Variants in CSMD1 observed in about 807,000 individuals in gnomAD.
CSMD1 encodes CUB and sushi domain-containing protein 1.
CSMD1 carries 213 observed loss-of-function variants against 417.5 expected under a neutral mutation model. The ratio of observed to expected loss-of-function variants is 0.51; its 90% CI spans 0.46 to 0.57. CSMD1 has a LOEUF of 0.57. Ranked by LOEUF, CSMD1 falls within the 20% of genes least tolerant of loss-of-function variation. The probability of loss-of-function intolerance (pLI) is 0.00; values close to 1 mark genes in which losing one functional copy is unlikely to be tolerated. For missense variants in CSMD1, 6,923 were observed against 4,529.7 expected (o/e 1.53, Z -15.17); for synonymous variants, 2,862 against 1,736.8 (o/e 1.65, Z -16.11).
rs138742437 is a variant in CSMD1 at position 3,419,671 on chromosome 8, G to C, written c.1562-10066C>G. 6.0e-3 allele frequency among the ~76,000 whole-genome samples: 916 copies of C among 152,142 alleles called. 5 individuals carry two copies. The highest frequency in any genetic ancestry group is 0.02 in the African/African-American group (841 of 41,504). On this transcript the variant is annotated intron_variant, in intron 12 of 69. Coordinates refer to ENST00000635120, the MANE Select transcript of CSMD1 (RefSeq NM_033225.6). ...AAATAAATAGGAAAAAAAAAGTGGA[G>C]AAATAATTCAGATTACTTTCGTCAC...
chr8:4,529,672 T>C (rs1297491507), intron 2 of CSMD1, among the ~76,000 whole-genome samples: 1 of 151,928 alleles, frequency 6.6e-6, no homozygotes, highest in Non-Finnish European at 1.5e-5. Context: ...AACAGCAAAT[T>C]AGTTTTTAGT....
intron 25 of CSMD1, among the ~76,000 whole-genome samples, chr8:3,298,812 T>C (rs374880125): frequency 6.6e-6 from 1 of 152,180 alleles, no homozygotes; most frequent in African/African-American, 2.4e-5. Context: ...TAATAGTGAT[T>C]GTCCTGGAGA....
At chr8:3,743,471 A>G (rs1205732572) in intron 6 of CSMD1, among the ~76,000 whole-genome samples, 1 of 152,238 alleles carries the variant, frequency 6.6e-6, no homozygotes, top group Non-Finnish European at 1.5e-5. Context: ...AGTAATTGAT[A>G]TTGACTTAGA....
rs189921979 is a variant in CSMD1 at position 3,634,296 on chromosome 8, C to A, written c.1010-17499G>T. 2.5e-3 allele frequency among the ~76,000 whole-genome samples: 385 copies of A among 152,322 alleles called. 2 individuals are homozygous for A. Among genetic ancestry groups the A allele is most frequent in the African/African-American group, 8.6e-3 (359 of 41,572 alleles). On this transcript the variant is annotated intron_variant, in intron 7 of 69. Transcript: ENST00000635120. ...GTATTGGAGCACCCCTCTGGTAGGA[C>A]TGAAGACTAAGGTCAGCAATGTGGG...
chr8:3,399,427 G>C lies in CSMD1; in HGVS notation c.2369C>G (p.Ala790Gly), dbSNP rs1811904097. Reference sequence around the variant, plus strand: ...TATTTTGATAGAGTGGCCTGGTTTTGCTTCAATTATCCATTCACAATGTAA... The same window carrying C: ...TATTTTGATAGAGTGGCCTGGTTTTCCTTCAATTATCCATTCACAATGTAA... Reference protein sequence around the residue: ...DSLHCEWIIEAKPGHSIKITF... With the variant: ...DSLHCEWIIEGKPGHSIKITF... The change falls in exon 16 of 70, where the codon GCA (alanine) becomes GGA (glycine). Residue 790 changes from alanine to glycine, a missense_variant. Ala to Gly is a moderately conservative substitution (Grantham distance 60, BLOSUM62 0). Transcript: ENST00000635120. 12 of 1,606,640 alleles carry C rather than the reference G, an allele frequency of 7.5e-6. No homozygotes were observed. Among genetic ancestry groups the C allele is most frequent in the Non-Finnish European group, 8.5e-6 (10 of 1,177,002 alleles).
chr8:4,598,197 T>C (rs1470021087), intron 2 of CSMD1, among the ~76,000 whole-genome samples: 1 of 152,132 alleles, frequency 6.6e-6, no homozygotes, highest in Non-Finnish European at 1.5e-5. Flanking sequence ...ATTATCATAG[T>C]TGTAGGGATG....
At chr8:3,479,511 C>A (rs1270039806) in intron 11 of CSMD1, among the ~76,000 whole-genome samples, 1 of 152,152 alleles carries the variant, frequency 6.6e-6, no homozygotes, top group Non-Finnish European at 1.5e-5. Flanking sequence ...AACTCCCGAC[C>A]TTAGGTGATC....
chr8:3,301,960 T>A (rs946923195), intron 25 of CSMD1, among the ~76,000 whole-genome samples: 12 of 152,140 alleles, frequency 7.9e-5, no homozygotes, highest in African/African-American at 2.7e-4. Flanking sequence ...GTGTCTCGTC[T>A]AAAGAAATCT....
At chr8:4,250,045 A>G (rs1303584051) in intron 3 of CSMD1, among the ~76,000 whole-genome samples, 4 of 152,124 alleles carry the variant, frequency 2.6e-5, no homozygotes, top group African/African-American at 9.7e-5. Context: ...TTGATGCCCC[A>G]ATAAAGAGGG....
intron 23 of CSMD1, among the ~76,000 whole-genome samples, chr8:3,341,624 G>A (rs920555884): frequency 6.6e-6 from 1 of 152,142 alleles, no homozygotes; most frequent in East Asian, 1.9e-4. Context: ...GAGAGAGGGA[G>A]GATCCCAGGC....
At chr8:3,550,950 G>A (rs1284682167) in intron 10 of CSMD1, among the ~76,000 whole-genome samples, 1 of 152,078 alleles carries the variant, frequency 6.6e-6, no homozygotes, top group Non-Finnish European at 1.5e-5. Flanking sequence ...CTCATCAGAT[G>A]ACAAACCACT....
chr8:2,955,987 T>G (rs1802980621), intron 63 of CSMD1, among the ~76,000 whole-genome samples: 1 of 152,060 alleles, frequency 6.6e-6, no homozygotes, highest in Non-Finnish European at 1.5e-5. Flanking sequence ...GCTATTCTCC[T>G]GTTTTGACCT....
intron 2 of CSMD1, among the ~76,000 whole-genome samples, chr8:4,601,586 A>T (rs934513058): frequency 6.6e-6 from 1 of 152,206 alleles, no homozygotes; most frequent in Non-Finnish European, 1.5e-5. Context: ...TTTAGTAGTA[A>T]GAGTTCAGTA....
intron 25 of CSMD1, among the ~76,000 whole-genome samples, chr8:3,303,937 G>A (rs1417266782): frequency 1.3e-5 from 1 of 74,390 alleles, no homozygotes; most frequent in African/African-American, 4.1e-5. Context: ...CTATTTTGGG[G>A]TATTGCGCCC....
chr8:3,313,617 A>G (rs1805526800), intron 23 of CSMD1, among the ~76,000 whole-genome samples: 1 of 151,456 alleles, frequency 6.6e-6, no homozygotes, highest in African/African-American at 2.4e-5. Flanking sequence ...AAGTCAGGAA[A>G]CAACAGGTGC....
chr8:4,921,699 T>A (rs1466507560), intron 1 of CSMD1, among the ~76,000 whole-genome samples: 1 of 152,188 alleles, frequency 6.6e-6, no homozygotes, highest in Non-Finnish European at 1.5e-5. Flanking sequence ...TGTACAGGAA[T>A]GTGTATGCAA....
intron 27 of CSMD1, among the ~76,000 whole-genome samples, chr8:3,224,964 T>A (rs1412605125): frequency 2.0e-5 from 3 of 152,246 alleles, no homozygotes; most frequent in Non-Finnish European, 4.4e-5. Flanking sequence ...TTTTAAAGCG[T>A]GACTACAATT....
intron 3 of CSMD1, among the ~76,000 whole-genome samples, chr8:4,298,041 T>C (rs1797779007): frequency 6.6e-6 from 1 of 152,128 alleles, no homozygotes; most frequent in African/African-American, 2.4e-5. Flanking sequence ...TATATTGAAC[T>C]CAAGCATCAC....
chr8:3,862,927 G>C (rs991637991), intron 5 of CSMD1, among the ~76,000 whole-genome samples: 3 of 152,082 alleles, frequency 2.0e-5, no homozygotes, highest in African/African-American at 7.2e-5. Context: ...TTTGTCTGGG[G>C]ATTTTTAAAC....
Sources: allele counts gnomAD v4.1 joint callset (sites outside exome capture counted in the v4.1 genomes callset), GRCh38; gene constraint gnomAD v4.1.1; transcripts MANE v1.5; gene names NCBI Gene and HGNC (gene_info 2026-07-23, HGNC 2026-07-21).